Variants in SGCZ observed in about 807,000 individuals in gnomAD.
SGCZ encodes sarcoglycan zeta.
Under a neutral mutation model 41.3 loss-of-function variants are expected in SGCZ, and 40 were observed. That is an observed-to-expected ratio of 0.97 (90% confidence interval 0.75 to 1.26). The LOEUF is 1.26. Ranked by LOEUF, SGCZ falls within the 50% of genes most tolerant of loss-of-function variation. The pLI is 0.00. For missense variants in SGCZ, 552 were observed against 369.8 expected (o/e 1.49, Z -4.04); for synonymous variants, 206 against 137.5 (o/e 1.50, Z -3.49).
intron 1 of SGCZ, among the ~76,000 whole-genome samples, chr8:14,720,101 T>C (rs1809831950): frequency 6.6e-6 from 1 of 152,084 alleles, no homozygotes; most frequent in Non-Finnish European, 1.5e-5. Flanking sequence ...GCAAGTTCTT[T>C]GTCTTTTTTC....
intron 5 of SGCZ, among the ~76,000 whole-genome samples, chr8:14,119,034 T>C (rs1455084869): frequency 6.6e-6 from 1 of 152,224 alleles, no homozygotes; most frequent in Non-Finnish European, 1.5e-5. Context: ...AGGATTGTCT[T>C]GGCTACGTGG....
At chr8:14,461,006 T>A (rs1800886700) in intron 2 of SGCZ, among the ~76,000 whole-genome samples, 2 of 152,176 alleles carry the variant, frequency 1.3e-5, no homozygotes, top group African/African-American at 4.8e-5. Context: ...AGGAAAATGT[T>A]ACTTTTTCTT....
chr8:14,702,778 TAGAC>T (rs74273422), intron 1 of SGCZ, among the ~76,000 whole-genome samples: 33,646 of 114,678 alleles, frequency 0.29, 4,659 homozygotes, highest in Non-Finnish European at 0.38. Flanking sequence ...GATAGATAGA[TAGAC>T]AGACAGACAG....
At chr8:14,987,700 G>A (rs944499797) in intron 1 of SGCZ, among the ~76,000 whole-genome samples, 2 of 151,870 alleles carry the variant, frequency 1.3e-5, no homozygotes, top group Non-Finnish European at 2.9e-5. Context: ...AAACTTACCT[G>A]CATTATTAAT....
chr8:15,154,345 T>C (rs140731690), intron 1 of SGCZ, among the ~76,000 whole-genome samples: 19 of 152,306 alleles, frequency 1.2e-4, no homozygotes, highest in African/African-American at 4.3e-4. Flanking sequence ...AGCTGATCTC[T>C]GGAAAGGAGC....
intron 2 of SGCZ, among the ~76,000 whole-genome samples, chr8:14,411,285 A>T (rs1799353327): frequency 1.3e-5 from 2 of 152,162 alleles, no homozygotes; most frequent in Non-Finnish European, 2.9e-5. Context: ...CTCTTAACAA[A>T]AACAAAAAAC....
intron 3 of SGCZ, among the ~76,000 whole-genome samples, chr8:14,250,865 T>C (rs539356939): frequency 4.8e-4 from 73 of 152,278 alleles, no homozygotes; most frequent in African/African-American, 1.7e-3. Flanking sequence ...CATCCTTTAA[T>C]CATGTTGACT....
At chr8:14,112,104 G>C (rs1802388795) in intron 5 of SGCZ, among the ~76,000 whole-genome samples, 1 of 152,076 alleles carries the variant, frequency 6.6e-6, no homozygotes, top group Non-Finnish European at 1.5e-5. Context: ...AGAAGCACCA[G>C]AGAGAAAGCA....
At chr8:14,837,096 A>T (rs942010485) in intron 1 of SGCZ, among the ~76,000 whole-genome samples, 1 of 152,192 alleles carries the variant, frequency 6.6e-6, no homozygotes, top group Non-Finnish European at 1.5e-5. Context: ...TGCCAGACAC[A>T]AATTTTGTCA....
At chr8:14,289,307 G>C (rs1267401835) in intron 3 of SGCZ, among the ~76,000 whole-genome samples, 2 of 150,538 alleles carry the variant, frequency 1.3e-5, no homozygotes, top group Non-Finnish European at 3.0e-5. Flanking sequence ...CTCTTTGGTT[G>C]TTTATGCTTT....
At chr8:14,826,979 T>C (rs1199473969) in intron 1 of SGCZ, among the ~76,000 whole-genome samples, 1 of 152,144 alleles carries the variant, frequency 6.6e-6, no homozygotes, top group Non-Finnish European at 1.5e-5. Flanking sequence ...TTGCCATTGC[T>C]TTTGGTGTTT....
chr8:14,822,100 A>T (rs1158372753), intron 1 of SGCZ, among the ~76,000 whole-genome samples: 1 of 151,914 alleles, frequency 6.6e-6, no homozygotes, highest in African/African-American at 2.4e-5. Context: ...ACACACACAC[A>T]CACACACACG....
intron 1 of SGCZ, among the ~76,000 whole-genome samples, chr8:15,088,067 C>G (rs997822822): frequency 1.3e-5 from 2 of 152,124 alleles, no homozygotes; most frequent in African/African-American, 4.8e-5. Flanking sequence ...AATCACCAAT[C>G]ATACTGAATA....
At chr8:15,078,022 T>C (rs1805602845) in intron 1 of SGCZ, among the ~76,000 whole-genome samples, 1 of 151,548 alleles carries the variant, frequency 6.6e-6, no homozygotes, top group South Asian at 2.1e-4. Context: ...CCCCATGCAC[T>C]GGGGGACTGG....
intron 1 of SGCZ, among the ~76,000 whole-genome samples, chr8:15,017,740 A>G (rs1027152529): frequency 6.6e-6 from 1 of 152,138 alleles, no homozygotes; most frequent in Non-Finnish European, 1.5e-5. Context: ...TCCTGGGCTC[A>G]AGTGATCTGC....
chr8:15,159,754 C>A (rs1271417015), intron 1 of SGCZ, among the ~76,000 whole-genome samples: 1 of 65,096 alleles, frequency 1.5e-5, no homozygotes, highest in African/African-American at 4.5e-5. Flanking sequence ...TCCCCCCCAC[C>A]CCCGCCACAC....
intron 1 of SGCZ, among the ~76,000 whole-genome samples, chr8:14,646,348 C>A (rs1461708811): frequency 6.6e-6 from 1 of 151,694 alleles, no homozygotes; most frequent in Non-Finnish European, 1.5e-5. Context: ...TAATGGACTC[C>A]AGCTGCATCC....
chr8:14,910,332 C>T (rs888547264), intron 1 of SGCZ, among the ~76,000 whole-genome samples: 3 of 151,932 alleles, frequency 2.0e-5, no homozygotes, highest in Admixed American at 6.6e-5. Context: ...TATTAAACAT[C>T]TCTCACAGTA....
chr8:14,756,584 T>G (rs572882459), intron 1 of SGCZ, among the ~76,000 whole-genome samples: 54 of 152,234 alleles, frequency 3.5e-4, no homozygotes, highest in Non-Finnish European at 7.3e-4. Context: ...TTTGCATTTC[T>G]ATCTCCTGCA....
Sources: allele counts gnomAD v4.1 joint callset (sites outside exome capture counted in the v4.1 genomes callset), GRCh38; gene constraint gnomAD v4.1.1; transcripts MANE v1.5; gene names NCBI Gene and HGNC (gene_info 2026-07-23, HGNC 2026-07-21).